The following TRAPPC8 variants were observed in gnomAD, a reference collection of about 807,000 sequenced individuals.
TRAPPC8 encodes general sporulation gene 1 homolog.
Under a neutral mutation model 174.3 loss-of-function variants are expected in TRAPPC8, and 54 were observed. The ratio of observed to expected loss-of-function variants is 0.31; its 90% confidence interval spans 0.25 to 0.39. The LOEUF (loss-of-function observed/expected upper bound fraction) is 0.39, where lower values mean the gene tolerates loss of function less well. Among genes scored for constraint, TRAPPC8 ranks in the 10% least tolerant of loss-of-function variants. TRAPPC8 has a pLI of 1.00. For synonymous variants in TRAPPC8, 630 were observed against 579.9 expected (o/e 1.09, Z -1.24); for missense variants, 1,531 against 1,699.1 (o/e 0.90, Z 1.74).
chr18:31,904,449 TGA>T (rs1568117861), intron 9 of TRAPPC8, among the ~76,000 whole-genome samples: 2 of 152,040 alleles, frequency 1.3e-5, no homozygotes, highest in African/African-American at 4.8e-5. Flanking sequence ...TTCGGGAGGC[TGA>T]GAGGGGAGAA....
intron 19 of TRAPPC8, among the ~76,000 whole-genome samples, chr18:31,860,370 T>A (rs1361252819): frequency 6.6e-6 from 1 of 151,934 alleles, no homozygotes; most frequent in Non-Finnish European, 1.5e-5. Context: ...AACAATTGTA[T>A]TAAAAAAAAA....
chr18:31,936,902 TAAAAAAAAAAAA>T (rs376783471), intron 1 of TRAPPC8, among the ~76,000 whole-genome samples: 2,665 of 92,564 alleles, frequency 0.029, 114 homozygotes, highest in African/African-American at 0.12. Flanking sequence ...ACTCCGTCTT[TAAAAAAAAAAAA>T]AAAAAAAAAA....
chr18:31,859,315 T>C (rs750054313), intron 19 of TRAPPC8, among the ~76,000 whole-genome samples: 1 of 151,990 alleles, frequency 6.6e-6, no homozygotes, highest in African/African-American at 2.4e-5. Flanking sequence ...CAGATGAAAT[T>C]TGGGGACATT....
intron 2 of TRAPPC8, among the ~76,000 whole-genome samples, chr18:31,925,700 T>C (rs2037586454): frequency 6.6e-6 from 1 of 152,114 alleles, no homozygotes; most frequent in African/African-American, 2.4e-5. Context: ...CAACGTGAAA[T>C]TTCAAAATAG....
intron 2 of TRAPPC8, among the ~76,000 whole-genome samples, chr18:31,930,150 C>T (rs1469758804): frequency 6.6e-6 from 1 of 150,484 alleles, no homozygotes; most frequent in East Asian, 1.9e-4. Flanking sequence ...AACAGAGTCT[C>T]GCTCTGTTGC....
chr18:31,863,098 A>G (rs1739809249), intron 19 of TRAPPC8, among the ~76,000 whole-genome samples: 1 of 151,708 alleles, frequency 6.6e-6, no homozygotes, highest in South Asian at 2.1e-4. Flanking sequence ...ATATGGACAC[A>G]TGGAGGGGAA....
Position 31,942,922 on chromosome 18 carries a change from G to C in TRAPPC8, c.-158C>G, listed in dbSNP as rs2038415172. On this transcript the variant is annotated 5_prime_UTR_variant, in exon 1 of 29. Coordinates refer to ENST00000283351, the MANE Select transcript of TRAPPC8 (RefSeq NM_014939.5). ...GAAACAAGAAGGAACAGACGCCGCCGCTTCGGTTTCTGGGGCACAATCCAC... is the reference window on the plus strand; with the variant it reads ...GAAACAAGAAGGAACAGACGCCGCCCCTTCGGTTTCTGGGGCACAATCCAC... 8.1e-7 allele frequency: 1 copy of C among 1,234,386 alleles called. No individual in the cohort carries two copies. The highest frequency in any genetic ancestry group is 3.8e-5 in the South Asian group (1 of 26,522). The allele number at this position is 1,234,386 out of a possible 1,614,324, so 76.5% of individuals were successfully genotyped here.
At chr18:31,882,040 T>C (rs2035480719) in intron 12 of TRAPPC8, among the ~76,000 whole-genome samples, 1 of 152,172 alleles carries the variant, frequency 6.6e-6, no homozygotes, top group African/African-American at 2.4e-5. Context: ...TGGAAAGGAA[T>C]TTGGAGGTTT....
At chr18:31,912,447 G>A (rs1249941928) in intron 5 of TRAPPC8, among the ~76,000 whole-genome samples, 5 of 151,824 alleles carry the variant, frequency 3.3e-5, no homozygotes, top group Admixed American at 1.3e-4. Context: ...AGCCAAGATC[G>A]CGCCATTGCA....
rs183924130 is a variant in TRAPPC8, at chr18:31,834,731, T to C, written c.3984-2558A>G. Among the ~76,000 whole-genome samples, 48 of 152,350 alleles carry C rather than the reference T, an allele frequency of 3.2e-4. No homozygotes were observed. In the Middle Eastern group the frequency reaches 0.01, roughly 32 times the overall value. On this transcript the variant is annotated intron_variant, in intron 27 of 28. Transcript: ENST00000283351. Reference sequence around the variant, plus strand: ...TATAACAATTTATGCTCATGGCAGCTAAACATAGTATGATTTTATCTTTGT... The same window carrying C: ...TATAACAATTTATGCTCATGGCAGCCAAACATAGTATGATTTTATCTTTGT...
chr18:31,874,230 T>C (rs2145220313), intron 13 of TRAPPC8: 1 of 476,062 alleles, frequency 2.1e-6, no homozygotes, highest in East Asian at 3.2e-5. Flanking sequence ...GGAATCTTTT[T>C]TTTTTTTAAG....
chr18:31,935,072 T>C (rs4550533), intron 1 of TRAPPC8, among the ~76,000 whole-genome samples: 151,483 of 152,120 alleles, frequency 1, 75,427 homozygotes, highest in East Asian at 1. Context: ...AGGCCGGGCG[T>C]GATGGCTCAT....
chr18:31,916,110 A>G (rs1167731800), intron 4 of TRAPPC8, among the ~76,000 whole-genome samples, 162 bp downstream of exon 4: 2 of 152,056 alleles, frequency 1.3e-5, no homozygotes, highest in African/African-American at 4.8e-5. Context: ...TGTTGAATAT[A>G]ATGCCAGGAT....
intron 19 of TRAPPC8, among the ~76,000 whole-genome samples, chr18:31,862,746 C>CTA (rs2034392629): frequency 6.6e-6 from 1 of 151,998 alleles, no homozygotes; most frequent in Non-Finnish European, 1.5e-5. Flanking sequence ...TATAGGATTA[C>CTA]TACCATAAAA....
chr18:31,846,738 G>A lies in TRAPPC8; in HGVS notation c.3815C>T (p.Ala1272Val), dbSNP rs1297975469. Residue 1272 changes from alanine to valine, a missense_variant, in exon 26 of 29, where the codon GCC becomes GTC. Coordinates refer to ENST00000283351, the MANE Select transcript of TRAPPC8 (RefSeq NM_014939.5). ...CACCTGTTTCTGAGGATATGAAAAG[G>A]CTTCTTTTCCTATAGTGCGAAGAAT... The part of the protein sequence containing the change: ...HVILRTIGKE[A>V]FSYPQKQEPP... 9 of 1,611,234 alleles carry A rather than the reference G, an allele frequency of 5.6e-6. No individual in the cohort carries two copies. Among genetic ancestry groups the A allele is most frequent in the Non-Finnish European group, 5.1e-6 (6 of 1,178,036 alleles).
intron 13 of TRAPPC8, 100 bp from the exon 14 acceptor site, chr18:31,873,638 A>T (rs2035003021): frequency 1.3e-6 from 1 of 768,140 alleles, no homozygotes; most frequent in African/African-American, 1.8e-5. Context: ...AAATATGTTA[A>T]GCAAGAATAT....
At chr18:31,871,160 C>A in intron 14 of TRAPPC8, 40 bp from the exon 15 acceptor site, 1 of 1,239,506 alleles carries the variant, frequency 8.1e-7, no homozygotes, top group South Asian at 1.8e-5. Flanking sequence ...TGAAGACTTG[C>A]CCTCAAATAA....
At chr18:31,831,025 T>C (rs1407823639) in intron 28 of TRAPPC8, 36 bp from the exon 29 acceptor site, 1 of 1,566,890 alleles carries the variant, frequency 6.4e-7, no homozygotes, top group East Asian at 2.3e-5. Context: ...GCAGGATTTT[T>C]TTCTTTTTAA....
intron 19 of TRAPPC8, among the ~76,000 whole-genome samples, chr18:31,860,231 A>AAAATGACT (rs1401322330): frequency 1.3e-5 from 2 of 152,208 alleles, no homozygotes; most frequent in African/African-American, 4.8e-5. Flanking sequence ...CCTGTAACAG[A>AAAATGACT]AAATGACTAG....
Sources: allele counts gnomAD v4.1 joint callset (sites outside exome capture counted in the v4.1 genomes callset), GRCh38; gene constraint gnomAD v4.1.1; transcripts MANE v1.5; gene names NCBI Gene and HGNC (gene_info 2026-07-23, HGNC 2026-07-21).